Variants in PIK3C2G observed in about 807,000 individuals in gnomAD.
PIK3C2G encodes phosphatidylinositol-4-phosphate 3-kinase catalytic subunit type 2 gamma.
PIK3C2G carries 168 observed loss-of-function variants against 181.1 expected under a neutral mutation model. The observed-to-expected ratio is 0.93, with a 90% CI of 0.82 to 1.05. The LOEUF (loss-of-function observed/expected upper bound fraction) is 1.05, where lower values mean the gene tolerates loss of function less well. Among genes scored for constraint, PIK3C2G ranks in the 50% least tolerant of loss-of-function variants. The pLI, the probability that PIK3C2G is intolerant of heterozygous loss-of-function variation, is 0.00. For synonymous variants in PIK3C2G, 573 were observed against 592.2 expected, an observed-to-expected ratio of 0.97 and a Z score of 0.47; for missense variants, 1,869 against 1,732.8, an observed-to-expected ratio of 1.08 and a Z score of -1.40.
chr12:18,346,074 T>A (rs1939642944), intron 10 of PIK3C2G, among the ~76,000 whole-genome samples: 1 of 152,188 alleles, frequency 6.6e-6, no homozygotes, highest in East Asian at 1.9e-4. Flanking sequence ...CTCAAGAAAG[T>A]CTTTGATTTT....
intron 18 of PIK3C2G, among the ~76,000 whole-genome samples, chr12:18,467,466 T>C (rs557786576): frequency 6.7e-6 from 1 of 150,114 alleles, no homozygotes; most frequent in East Asian, 1.9e-4. Flanking sequence ...AGAGTTTGTT[T>C]TACAAAATTT....
chr12:18,586,259 A>T (rs955866853), intron 29 of PIK3C2G, among the ~76,000 whole-genome samples: 1 of 152,132 alleles, frequency 6.6e-6, no homozygotes. Context: ...GACACAAAAA[A>T]CCTCAAAGAA....
intron 31 of PIK3C2G, among the ~76,000 whole-genome samples, chr12:18,623,714 T>C (rs2136680352): frequency 1.3e-5 from 2 of 151,954 alleles, no homozygotes; most frequent in South Asian, 4.1e-4. Flanking sequence ...TTCAAATTTT[T>C]TCCATTAATG....
At chr12:18,439,220 C>T (rs1345144355) in intron 18 of PIK3C2G, among the ~76,000 whole-genome samples, 1 of 151,910 alleles carries the variant, frequency 6.6e-6, no homozygotes, top group East Asian at 1.9e-4. Flanking sequence ...TGCTAAGTGT[C>T]AGAACAAGTT....
At chr12:18,645,149 A>G (rs1429321375) in intron 32 of PIK3C2G, among the ~76,000 whole-genome samples, 2 of 148,698 alleles carry the variant, frequency 1.3e-5, no homozygotes, top group Non-Finnish European at 3.0e-5. Context: ...TTTGGTTCTG[A>G]GTATGTACCA....
the PIK3C2G span, among the ~76,000 whole-genome samples, chr12:18,676,895 TC>T: frequency 6.6e-6 from 1 of 152,100 alleles, no homozygotes; most frequent in Admixed American, 6.6e-5. Flanking sequence ...ATCTATGCAT[TC>T]CTCATTTTTT....
chr12:18,707,694 G>A, the PIK3C2G span, among the ~76,000 whole-genome samples: 2 of 151,920 alleles, frequency 1.3e-5, no homozygotes, highest in Non-Finnish European at 2.9e-5. Flanking sequence ...CATAATTATT[G>A]TCTATGTAAT....
At chr12:18,674,526 C>G in the PIK3C2G span, among the ~76,000 whole-genome samples, 2 of 152,150 alleles carry the variant, frequency 1.3e-5, no homozygotes, top group Admixed American at 1.3e-4. Flanking sequence ...CTCCTAAACT[C>G]AGAATTTTAA....
At chr12:18,556,895 G>A (rs921592824) in intron 26 of PIK3C2G, among the ~76,000 whole-genome samples, 1 of 152,016 alleles carries the variant, frequency 6.6e-6, no homozygotes, top group African/African-American at 2.4e-5. Flanking sequence ...GGAAAAATTT[G>A]GAATTTATTC....
At chr12:18,692,923 T>C in the PIK3C2G span, 1 of 1,578,824 alleles carries the variant, frequency 6.3e-7, no homozygotes, top group Non-Finnish European at 8.7e-7. Flanking sequence ...GCCAGCAAAC[T>C]GCCACTGGTG....
intron 16 of PIK3C2G, among the ~76,000 whole-genome samples, chr12:18,419,684 G>A (rs115306626): frequency 2.3e-3 from 349 of 152,242 alleles, no homozygotes; most frequent in African/African-American, 8.1e-3. Context: ...GAAAAATACT[G>A]GAAATGTACT....
intron 18 of PIK3C2G, among the ~76,000 whole-genome samples, chr12:18,429,940 T>C (rs556470910): frequency 8.5e-5 from 13 of 152,196 alleles, no homozygotes; most frequent in African/African-American, 2.9e-4. Flanking sequence ...AGTGGGAAAA[T>C]CTCTAAGATA....
intron 26 of PIK3C2G, among the ~76,000 whole-genome samples, chr12:18,554,649 G>A (rs889137443): frequency 6.6e-6 from 1 of 151,846 alleles, no homozygotes; most frequent in African/African-American, 2.4e-5. Flanking sequence ...AAATTTTTTT[G>A]CTTAAAAAAT....
intron 32 of PIK3C2G, among the ~76,000 whole-genome samples, chr12:18,644,999 A>G (rs1163801307): frequency 1.3e-5 from 2 of 152,234 alleles, no homozygotes; most frequent in African/African-American, 2.4e-5. Context: ...GTTAATAGAT[A>G]TTAATTACCT....
rs199752475 is a variant in PIK3C2G at position 18,619,739 on chromosome 12, TA to T, written c.4182+10112del. ...TCAAAGAACATACTTCGTATGATTT[TA>T]ATTTTTTTTTTTTTTTTTTGAGATG... On this transcript the variant is annotated intron_variant, in intron 31 of 32. Transcript: ENST00000538779. Among the ~76,000 whole-genome samples, 689 of 88,066 alleles carry T rather than the reference TA, an allele frequency of 7.8e-3. 4 individuals are homozygous for T. Among genetic ancestry groups the T allele is most frequent in the Non-Finnish European group, 8.5e-3 (401 of 47,200 alleles). 57.8% of individuals were successfully genotyped at this position (88,066 alleles called of 152,430 possible).
intron 29 of PIK3C2G, among the ~76,000 whole-genome samples, chr12:18,584,787 T>G (rs1946686289): frequency 6.6e-6 from 1 of 151,362 alleles, no homozygotes; most frequent in African/African-American, 2.4e-5. Context: ...TAAAAGGAGC[T>G]AGAGAGAAAG....
intron 5 of PIK3C2G, among the ~76,000 whole-genome samples, chr12:18,294,532 C>A (rs138123746): frequency 1.8e-4 from 27 of 151,956 alleles, no homozygotes; most frequent in African/African-American, 6.0e-4. Flanking sequence ...TCTAAACCAC[C>A]ATTTCTTTAT....
the PIK3C2G span, among the ~76,000 whole-genome samples, chr12:18,665,439 T>C: frequency 6.6e-6 from 1 of 152,210 alleles, no homozygotes; most frequent in African/African-American, 2.4e-5. Flanking sequence ...TCATTGGTAA[T>C]GTATTTTAGG....
chr12:18,337,065 C>G (rs1938603563), intron 8 of PIK3C2G, among the ~76,000 whole-genome samples: 1 of 152,060 alleles, frequency 6.6e-6, no homozygotes, highest in Non-Finnish European at 1.5e-5. Context: ...TTGAAATAAA[C>G]TATTGTAATT....
Sources: gnomAD v4.1 joint callset for allele counts (sites outside exome capture counted in the v4.1 genomes callset) on GRCh38, gnomAD v4.1.1 for gene constraint, MANE v1.5 for transcripts, NCBI Gene and HGNC (gene_info 2026-07-23, HGNC 2026-07-21) for gene names.